RBM33: variants seen among roughly 807,000 people sequenced by gnomAD.
The protein encoded by RBM33 is RNA binding motif protein 33, also known as RNA-binding protein 33.
In RBM33, 28 loss-of-function variants were observed where a neutral mutation model predicts 132.6. That is an observed-to-expected ratio of 0.21 (90% confidence interval 0.16 to 0.29). The LOEUF is 0.29. Among genes scored for constraint, RBM33 ranks in the 10% least tolerant of loss-of-function variants. RBM33 has a pLI of 1.00. For missense variants in RBM33, 1,291 were observed against 1,518.5 expected (o/e 0.85, Z 2.49); for synonymous variants, 634 against 593.0 (o/e 1.07, Z -1.01).
chr7:155,712,431 C>G (rs1800333107), intron 8 of RBM33, among the ~76,000 whole-genome samples: 1 of 152,206 alleles, frequency 6.6e-6, no homozygotes, highest in African/African-American at 2.4e-5. Flanking sequence ...CTTTCTTCAA[C>G]CATGATATTA....
intron 5 of RBM33, among the ~76,000 whole-genome samples, chr7:155,695,925 T>A (rs1799781642): frequency 6.6e-6 from 1 of 152,002 alleles, no homozygotes. Flanking sequence ...TCTATCTCAA[T>A]ATGTGCGCAC....
intron 11 of RBM33, 176 bp from the exon 12 acceptor site, chr7:155,739,539 T>C: frequency 1.5e-6 from 1 of 659,684 alleles, no homozygotes; most frequent in Non-Finnish European, 2.5e-6. Context: ...AGGTAATAGC[T>C]TCTGGCTTAT....
At chr7:155,738,472 T>G in intron 11 of RBM33, 69 bp downstream of exon 11, 6 of 1,407,744 alleles carry the variant, frequency 4.3e-6, no homozygotes, top group Non-Finnish European at 5.8e-6. Context: ...CCATAAAGTT[T>G]CAGATTTTTA....
At chr7:155,656,963 GTT>G (rs200480316) in intron 1 of RBM33, among the ~76,000 whole-genome samples, 6 of 141,092 alleles carry the variant, frequency 4.3e-5, no homozygotes, top group Admixed American at 1.4e-4. Flanking sequence ...CAGGGTGAAG[GTT>G]TTTTTTTTTT....
At chr7:155,673,859 A>C (rs1215768807) in intron 3 of RBM33, among the ~76,000 whole-genome samples, 1 of 149,952 alleles carries the variant, frequency 6.7e-6, no homozygotes, top group Non-Finnish European at 1.5e-5. Context: ...TATAGCGAGA[A>C]AGTGAAATAC....
chr7:155,764,461 G>A (rs1383371149), intron 15 of RBM33, among the ~76,000 whole-genome samples: 1 of 152,242 alleles, frequency 6.6e-6, no homozygotes, highest in Non-Finnish European at 1.5e-5. Flanking sequence ...ACTTGCTCTA[G>A]GCCACAGTTC....
rs1463885175 is a variant in RBM33 at position 155,766,535 on chromosome 7, G to A, written c.3255G>A (p.Lys1085=). The change falls in exon 16 of 18, where the codon AAG becomes AAA. Residue 1085 remains lysine (K), a synonymous_variant. Coordinates refer to ENST00000401878, the MANE Select transcript of RBM33 (RefSeq NM_053043.3). The part of the protein sequence containing the change: ...PMGRGRLMPN[K]QNLRVVECKP... Reference sequence around the variant, plus strand: ...GCCGGGGGCGCCTGATGCCAAACAAGCAGAACCTGCGGGTGGTGGAGTGCA... The same window carrying A: ...GCCGGGGGCGCCTGATGCCAAACAAACAGAACCTGCGGGTGGTGGAGTGCA... 6.2e-7 allele frequency: 1 copy of A among 1,613,802 alleles called. No homozygotes were observed. Among genetic ancestry groups the A allele is most frequent in the South Asian group, 1.1e-5 (1 of 91,042 alleles).
Position 155,745,681 on chromosome 7 carries a change from GAAGA to G in RBM33, c.2979+85_2979+88del. 7.4e-7 allele frequency: 1 copy of G among 1,344,808 alleles called. No homozygotes were observed. Among genetic ancestry groups the G allele is most frequent in the East Asian group, 2.5e-5 (1 of 39,732 alleles). 83.3% of individuals were successfully genotyped at this position (1,344,808 alleles called of 1,614,324 possible). A position where few individuals can be genotyped will look rare whatever the true frequency, so the allele number is the denominator to read the frequency against. ...GTCCTCATTTGCAGAGAATGTTTTTGAAGAAAGAATTAAAAGTTACCTCTGTTAT... is the reference window on the plus strand; with the variant it reads ...GTCCTCATTTGCAGAGAATGTTTTTGAAGAATTAAAAGTTACCTCTGTTAT... On this transcript the variant is annotated intron_variant, in intron 14 of 17. Transcript: ENST00000401878. The surrounding 1 kb of genome is among the most constrained non-coding windows in gnomAD (Gnocchi z 4.1).
At position 155,745,175 on chromosome 7, in the gene RBM33, C is replaced by T; in HGVS notation, c.2552C>T (p.Ser851Leu). The change falls in exon 14 of 18, where the codon TCA (serine) becomes TTA (leucine). Residue 851 changes from serine to leucine, a missense_variant. By Grantham distance (145) the Ser-to-Leu change is moderately radical (BLOSUM62 -2). Around this residue, in one of 7 missense-constraint regions of RBM33, gnomAD observed 841 missense variants for 912.0 expected, o/e 0.92. Transcript: ENST00000401878. This position sits in a 1 kb window ranked among gnomAD's most constrained non-coding sequence, Gnocchi z 4.1. ...AEQEEQALSP[S>L]PTNGNPLLPF... ...CAGGAAGAGCAGGCACTGTCACCAT[C>T]ACCCACCAACGGTAACCCACTGTTG... is the stretch of plus-strand genomic sequence containing the variant. The T allele has an allele frequency of 1.2e-6, 2 of 1,610,162 alleles. No homozygotes were observed. Among genetic ancestry groups the T allele is most frequent in the Non-Finnish European group, 8.5e-7 (1 of 1,178,156 alleles).
At chr7:155,715,944 T>C (rs535736037) in intron 8 of RBM33, among the ~76,000 whole-genome samples, 12 of 152,230 alleles carry the variant, frequency 7.9e-5, no homozygotes, top group Non-Finnish European at 1.6e-4. Context: ...TTTCTGAGGA[T>C]GAAGAGTGTT....
At chr7:155,684,855 C>T in intron 5 of RBM33, 2 of 1,443,790 alleles carry the variant, frequency 1.4e-6, no homozygotes, top group Non-Finnish European at 1.9e-6. Context: ...AAGCATGAAT[C>T]ATAAAGACGA....
chr7:155,692,126 A>G (rs1243346517), intron 5 of RBM33, among the ~76,000 whole-genome samples: 1 of 152,040 alleles, frequency 6.6e-6, no homozygotes, highest in East Asian at 1.9e-4. Context: ...GAGAAAAAGA[A>G]GGACAAATAA....
intron 9 of RBM33, among the ~76,000 whole-genome samples, chr7:155,725,829 C>T (rs1267690076): frequency 6.6e-6 from 1 of 152,104 alleles, no homozygotes; most frequent in Non-Finnish European, 1.5e-5. Context: ...TTTACCCCTG[C>T]ATGAAACCTA....
At chr7:155,761,968 T>G (rs12154988) in intron 14 of RBM33, among the ~76,000 whole-genome samples, 4,162 of 152,326 alleles carry the variant, frequency 0.027, 73 homozygotes, top group Middle Eastern at 0.037. Context: ...AGTTTAAATA[T>G]TTTTTGTTCA....
Position 155,672,885 on chromosome 7 carries a change from A to G in RBM33, c.141A>G (p.Leu47=), listed in dbSNP as rs747888291. Residue 47 remains leucine (L), a synonymous_variant, in exon 3 of 18, where the codon TTA becomes TTG. Coordinates refer to ENST00000401878, the MANE Select transcript of RBM33 (RefSeq NM_053043.3). ...TCCCAAGTGAACTTGAAGATGATTT[A>G]CTTGGAGAAGATTTGCTATCTGGCA... ...EDWDSELEDD[L]LGEDLLSGKK... is the part of the protein sequence containing the mutation. The G allele has an allele frequency of 2.6e-6, 4 of 1,549,826 alleles. No homozygotes were observed. In the Admixed American group the frequency reaches 5.9e-5, roughly 23 times the overall value.
chr7:155,758,447 T>G (rs1393481999), intron 14 of RBM33, among the ~76,000 whole-genome samples: 1 of 152,164 alleles, frequency 6.6e-6, no homozygotes, highest in African/African-American at 2.4e-5. Context: ...GCTGGCAACC[T>G]AGATCCCTCG....
chr7:155,713,976 A>G (rs1383943236), intron 8 of RBM33, among the ~76,000 whole-genome samples: 2 of 151,430 alleles, frequency 1.3e-5, no homozygotes, highest in East Asian at 3.9e-4. Flanking sequence ...TGGTGGCCTC[A>G]GTTTCCTCGG....
At chr7:155,725,453 T>G (rs1800767348) in intron 9 of RBM33, among the ~76,000 whole-genome samples, 1 of 152,116 alleles carries the variant, frequency 6.6e-6, no homozygotes, top group South Asian at 2.1e-4. Flanking sequence ...TTCTCTTAGT[T>G]TTTATGCTGT....
rs71186056 is a variant in RBM33 at position 155,724,990 on chromosome 7, T to TTTTTTTTGTG, written c.1260+6548_1260+6549insTTTTTTGTGT. Among the ~76,000 whole-genome samples, 10 of 123,366 alleles carry TTTTTTTTGTG rather than the reference T, an allele frequency of 8.1e-5. 1 individual carries two copies. Among genetic ancestry groups the TTTTTTTTGTG allele is most frequent in the African/African-American group, 3.3e-4 (10 of 29,870 alleles). 80.9% of individuals were successfully genotyped at this position (123,366 alleles called of 152,430 possible). On this transcript the variant is annotated intron_variant, in intron 9 of 17. Coordinates refer to ENST00000401878, the MANE Select transcript of RBM33 (RefSeq NM_053043.3). Reference sequence around the variant, plus strand: ...TTGCTGTAAACATTTGTGTACAGGTTTGTGTGTGTGTGTGTGTGTGTGTGT... The same window carrying TTTTTTTTGTG: ...TTGCTGTAAACATTTGTGTACAGGTTTTTTTTTGTGTGTGTGTGTGTGTGTGTGTGTGTGT...
Sources: gnomAD v4.1 joint callset for allele counts (sites outside exome capture counted in the v4.1 genomes callset) on GRCh38, gnomAD v4.1.1 for gene constraint, gnomAD v4.1.1 regional missense constraint, Gnocchi (gnomAD v3.1) non-coding constraint, MANE v1.5 for transcripts, NCBI Gene and HGNC (gene_info 2026-07-23, HGNC 2026-07-21) for gene names.